ZNF609: variants seen among roughly 807,000 people sequenced by gnomAD.
The protein encoded by ZNF609 is zinc finger protein 609.
A neutral mutation model predicts 109.5 loss-of-function variants in ZNF609; 11 were observed. The observed-to-expected ratio is 0.10, with a 90% CI of 0.06 to 0.17. The LOEUF is 0.17. Among genes scored for constraint, ZNF609 ranks in the 10% least tolerant of loss-of-function variants. ZNF609 has a pLI of 1.00. For synonymous variants in ZNF609, 646 were observed against 662.0 expected (o/e 0.98, Z 0.37); for missense variants, 1,559 against 1,772.4 (o/e 0.88, Z 2.16).
chr15:64,518,601 A>T lies in ZNF609; in HGVS notation c.747+18435A>T, dbSNP rs77669213. Among the ~76,000 whole-genome samples the T allele has an allele frequency of 9.5e-3, 1,446 of 152,310 alleles. 21 individuals are homozygous for T. The highest frequency in any genetic ancestry group is 0.033 in the African/African-American group (1,364 of 41,564). On this transcript the variant is annotated intron_variant, in intron 2 of 9. Coordinates refer to ENST00000326648, the MANE Select transcript of ZNF609 (RefSeq NM_015042.2). ...GAATTACTCTTGATGTCATCTGCAGAGTGGATTGGAGAACAAGATTGGAGG... is the reference window on the plus strand; with the variant it reads ...GAATTACTCTTGATGTCATCTGCAGTGTGGATTGGAGAACAAGATTGGAGG...
intron 1 of ZNF609, among the ~76,000 whole-genome samples, chr15:64,482,005 G>C (rs993235583): frequency 6.6e-6 from 1 of 151,968 alleles, no homozygotes; most frequent in Non-Finnish European, 1.5e-5. Context: ...GGCTGGTCTC[G>C]AACTCCTGAC....
At chr15:64,657,101 T>C (rs1595754672) in intron 3 of ZNF609, among the ~76,000 whole-genome samples, 1 of 150,772 alleles carries the variant, frequency 6.6e-6, no homozygotes, top group Middle Eastern at 3.2e-3. Flanking sequence ...CTACTAAAAA[T>C]ACAAAAAATT....
intron 3 of ZNF609, among the ~76,000 whole-genome samples, chr15:64,630,091 CTTTTTTCT>C (rs1896042256): frequency 7.0e-6 from 1 of 143,062 alleles, no homozygotes; most frequent in African/African-American, 2.7e-5. Flanking sequence ...TCCTAATTTT[CTTTTTTCT>C]TTTTTTTTTT....
rs1215023891 is a variant in ZNF609, at chr15:64,685,765, GCT to G, written c.*4082_*4083del. ...CCCCCGACATTCCAGCCTCTAGAAT[GCT>G]CTGATCCAGAGCTCAGTGGATGATT... On this transcript the variant is annotated 3_prime_UTR_variant, in exon 10 of 10. Coordinates refer to ENST00000326648, the MANE Select transcript of ZNF609 (RefSeq NM_015042.2). The G allele has an allele frequency of 6.5e-6, 1 of 152,688 alleles. No individual in the cohort carries two copies. The highest frequency in any genetic ancestry group is 2.4e-5 in the African/African-American group (1 of 41,438). The allele number at this position is 152,688 out of a possible 1,614,324, so 9.5% of individuals were successfully genotyped here.
rs767874531 is a variant in ZNF609, at chr15:64,504,636, G to GTT, written c.747+4487_747+4488dup. Among the ~76,000 whole-genome samples, 95 of 136,952 alleles carry GTT rather than the reference G, an allele frequency of 6.9e-4. 1 individual carries two copies. The highest frequency in any genetic ancestry group is 2.2e-3 in the African/African-American group (84 of 37,466). 89.8% of individuals were successfully genotyped at this position (136,952 alleles called of 152,430 possible). ...AAGTGCATACCACCATGCCTGGCTA[G>GTT]TTTTTTTTTTTTTTTTTTAATTTTA... On this transcript the variant is annotated intron_variant, in intron 2 of 9. Transcript: ENST00000326648.
At chr15:64,678,714 A>G (rs2141018857) in intron 6 of ZNF609, among the ~76,000 whole-genome samples, 1 of 152,268 alleles carries the variant, frequency 6.6e-6, no homozygotes, top group East Asian at 1.9e-4. Flanking sequence ...CAGCTCAAGG[A>G]TTGTCTCTGT....
intron 1 of ZNF609, among the ~76,000 whole-genome samples, chr15:64,492,058 A>G (rs984873032): frequency 1.3e-5 from 2 of 151,958 alleles, no homozygotes; most frequent in Admixed American, 6.6e-5. Flanking sequence ...CATGGCCAAC[A>G]TGGCGAAACC....
rs181697111 is a variant in ZNF609, at chr15:64,591,400, C to T, written c.748-31427C>T. 3.8e-3 allele frequency among the ~76,000 whole-genome samples: 580 copies of T among 152,174 alleles called. 6 individuals carry two copies. The highest frequency in any genetic ancestry group is 0.013 in the African/African-American group (557 of 41,502). The stretch of plus-strand genomic sequence containing the variant: ...CCAAGATCGCGCCACTGCACTCCAG[C>T]CTGGGCGACAGAGACAGACTCTATC... On this transcript the variant is annotated intron_variant, in intron 2 of 9. Transcript: ENST00000326648.
intron 4 of ZNF609, among the ~76,000 whole-genome samples, chr15:64,671,082 C>T (rs1385687737): frequency 1.3e-5 from 2 of 149,642 alleles, no homozygotes; most frequent in African/African-American, 2.5e-5. Flanking sequence ...TGGTGGCGAG[C>T]GTTTGTAGTC....
intron 1 of ZNF609, among the ~76,000 whole-genome samples, chr15:64,490,466 G>T (rs934888249): frequency 2.0e-5 from 3 of 151,928 alleles, no homozygotes; most frequent in South Asian, 2.1e-4. Flanking sequence ...TAGAGACAGG[G>T]TTTCTCCATG....
At chr15:64,602,320 G>A (rs941483728) in intron 2 of ZNF609, among the ~76,000 whole-genome samples, 4 of 152,180 alleles carry the variant, frequency 2.6e-5, no homozygotes, top group African/African-American at 9.7e-5. Flanking sequence ...GTCTGAGCCT[G>A]AATCCCAGTG....
chr15:64,478,768 C>T (rs1893207886), intron 1 of ZNF609, among the ~76,000 whole-genome samples: 2 of 152,134 alleles, frequency 1.3e-5, no homozygotes, highest in African/African-American at 2.4e-5. Context: ...GGGTGGTCTT[C>T]TGGGCAGATT....
intron 1 of ZNF609, among the ~76,000 whole-genome samples, chr15:64,492,608 C>T (rs1324487631): frequency 2.0e-5 from 3 of 152,030 alleles, no homozygotes; most frequent in Non-Finnish European, 2.9e-5. Flanking sequence ...TCTAGAACTC[C>T]TGGGCTCAAG....
At chr15:64,519,071 G>T (rs767970548) in intron 2 of ZNF609, among the ~76,000 whole-genome samples, 3 of 136,998 alleles carry the variant, frequency 2.2e-5, no homozygotes, top group Non-Finnish European at 4.6e-5. Context: ...GTTATAGGAT[G>T]CTGAGAGCCT....
intron 2 of ZNF609, among the ~76,000 whole-genome samples, chr15:64,521,051 A>T (rs181457670): frequency 7.7e-4 from 108 of 140,190 alleles, no homozygotes; most frequent in African/African-American, 2.6e-3. Flanking sequence ...AGGTGGGTAG[A>T]AAGTCCTTCC....
intron 2 of ZNF609, among the ~76,000 whole-genome samples, chr15:64,532,828 C>T (rs895191446): frequency 6.6e-5 from 10 of 152,084 alleles, no homozygotes; most frequent in African/African-American, 2.4e-4. Context: ...TTTCTTTGAG[C>T]TAGGTGAAAA....
chr15:64,582,749 CTTTTT>C (rs34273764), intron 2 of ZNF609, among the ~76,000 whole-genome samples: 10 of 55,874 alleles, frequency 1.8e-4, no homozygotes, highest in African/African-American at 8.6e-4. Context: ...GAGACAGAGT[CTTTTT>C]TTTTTTTTTT....
intron 4 of ZNF609, among the ~76,000 whole-genome samples, chr15:64,672,663 C>G (rs983327063): frequency 6.9e-6 from 1 of 144,742 alleles, no homozygotes; most frequent in East Asian, 2.2e-4. Flanking sequence ...ATAATAGTTG[C>G]CCTGATAAGA....
chr15:64,599,247 A>T (rs1567025165), intron 2 of ZNF609, among the ~76,000 whole-genome samples: 1 of 140,536 alleles, frequency 7.1e-6, no homozygotes, highest in Non-Finnish European at 1.5e-5. Context: ...AAAAACACCT[A>T]ATTGCATTAA....
Sources: allele counts gnomAD v4.1 joint callset (sites outside exome capture counted in the v4.1 genomes callset), GRCh38; gene constraint gnomAD v4.1.1; transcripts MANE v1.5; gene names NCBI Gene and HGNC (gene_info 2026-07-23, HGNC 2026-07-21).